Variants in ZMIZ1 observed in about 807,000 individuals in gnomAD.
The protein encoded by ZMIZ1 is zinc finger MIZ-type containing 1, also known as zinc finger MIZ domain-containing protein 1.
Under a neutral mutation model 113.9 loss-of-function variants are expected in ZMIZ1, and 17 were observed. The observed-to-expected ratio is 0.15, with a 90% CI of 0.10 to 0.22. The LOEUF (loss-of-function observed/expected upper bound fraction) is 0.22. ZMIZ1 is among the 10% of genes least tolerant of loss of function. ZMIZ1 has a pLI of 1.00. For synonymous variants in ZMIZ1, 607 were observed against 603.1 expected (o/e 1.01, Z -0.09); for missense variants, 1,059 against 1,477.8 (o/e 0.72, Z 4.65).
intron 2 of ZMIZ1, among the ~76,000 whole-genome samples, chr10:79,136,380 C>G (rs1272438511): frequency 6.6e-6 from 1 of 152,242 alleles, no homozygotes; most frequent in Non-Finnish European, 1.5e-5. Context: ...CCCAGCCCTG[C>G]CTTGGGCAGG....
chr10:79,195,587 A>G (rs1847799883), intron 4 of ZMIZ1, among the ~76,000 whole-genome samples: 1 of 152,232 alleles, frequency 6.6e-6, no homozygotes, highest in Non-Finnish European at 1.5e-5. Flanking sequence ...GCAGCGGCCC[A>G]GCTGAGTGGC....
rs918386805 is a variant in ZMIZ1 at position 79,296,812 on chromosome 10, C to T, written c.1413+159C>T. ...GTCCCCATGTGTTCAGGGCGAAGTT[C>T]GGTGGCCAGAATGTCAGAGTGGCTT... On this transcript the variant is annotated intron_variant, in intron 13 of 24. Coordinates refer to ENST00000334512, the MANE Select transcript of ZMIZ1 (RefSeq NM_020338.4). The surrounding 1 kb of genome is among the most constrained non-coding windows in gnomAD (Gnocchi z 4.1). 1.1e-5 allele frequency: 6 copies of T among 564,442 alleles called. No homozygotes were observed. Among genetic ancestry groups the T allele is most frequent in the African/African-American group, 3.9e-5 (2 of 50,980 alleles). The allele number at this position is 564,442 out of a possible 1,614,324, so 35.0% of individuals were successfully genotyped here.
At position 79,226,994 on chromosome 10, in the gene ZMIZ1, G is replaced by C. The variant is rs142793883; in HGVS notation, c.280+10720G>C. Among the ~76,000 whole-genome samples the C allele has an allele frequency of 4.5e-3, 688 of 152,278 alleles. 7 individuals carry two copies. The highest frequency in any genetic ancestry group is 0.016 in the African/African-American group (646 of 41,554). On this transcript the variant is annotated intron_variant, in intron 7 of 24. Coordinates refer to ENST00000334512, the MANE Select transcript of ZMIZ1 (RefSeq NM_020338.4). ...CATGAACTCACTTATCCCACATGGT[G>C]ATCCCAGGTACTCATATCTACCCCA...
chr10:79,079,604 G>A (rs1842591961), intron 1 of ZMIZ1, among the ~76,000 whole-genome samples: 2 of 152,232 alleles, frequency 1.3e-5, no homozygotes, highest in South Asian at 2.1e-4. Context: ...GATGTGAAGC[G>A]ACTTGACCAA....
At chr10:79,279,927 G>A (rs960999994) in intron 8 of ZMIZ1, among the ~76,000 whole-genome samples, 2 of 152,146 alleles carry the variant, frequency 1.3e-5, no homozygotes, top group Non-Finnish European at 2.9e-5. Flanking sequence ...GTCCAGCCTC[G>A]GCTAGGTATC....
In ZMIZ1 at chr10:79,312,674, C is replaced by G. The variant is rs1455605468; in HGVS notation, c.3129C>G (p.Leu1043=). 1.2e-6 allele frequency: 2 copies of G among 1,614,220 alleles called. No individual in the cohort carries two copies. Among genetic ancestry groups the G allele is most frequent in the Non-Finnish European group, 1.7e-6 (2 of 1,180,038 alleles). Residue 1043 remains leucine, a synonymous_variant, in exon 25 of 25, where the codon CTC becomes CTG. Coordinates refer to ENST00000334512, the MANE Select transcript of ZMIZ1 (RefSeq NM_020338.4). ...LLPELTNPDE[L]LSYLDPPDLP... is the part of the protein sequence containing the mutation. ...CCGAACTCACAAATCCTGACGAGCT[C>G]CTGTCTTATCTGGACCCCCCCGACC...
intron 3 of ZMIZ1, among the ~76,000 whole-genome samples, chr10:79,154,042 C>T (rs1331322585): frequency 2.6e-5 from 4 of 152,182 alleles, no homozygotes; most frequent in Non-Finnish European, 4.4e-5. Flanking sequence ...TTCAGTGCCA[C>T]GACCTTCCTG....
At chr10:79,108,990 G>C (rs1564655094) in intron 1 of ZMIZ1, among the ~76,000 whole-genome samples, 1 of 152,112 alleles carries the variant, frequency 6.6e-6, no homozygotes, top group African/African-American at 2.4e-5. Flanking sequence ...CCACATCCCT[G>C]CCCACAGCCC....
At chr10:79,114,976 A>C (rs993664116) in intron 1 of ZMIZ1, among the ~76,000 whole-genome samples, 1 of 152,226 alleles carries the variant, frequency 6.6e-6, no homozygotes, top group Middle Eastern at 3.4e-3. Context: ...TAAAAATTTA[A>C]ATTTCTGGGC....
At chr10:79,216,688 G>C (rs1848746042) in intron 7 of ZMIZ1, among the ~76,000 whole-genome samples, 2 of 152,372 alleles carry the variant, frequency 1.3e-5, no homozygotes, top group African/African-American at 4.8e-5. Flanking sequence ...CTGGAAGGCA[G>C]CAGAGCAGGG....
rs184756182 is a variant in ZMIZ1 at position 79,069,489 on chromosome 10, C to G, written c.-337+219C>G. Among the ~76,000 whole-genome samples the G allele has an allele frequency of 6.7e-4, 101 of 151,628 alleles. 2 individuals carry two copies. The East Asian group carries it at 0.018, about 27-fold the overall frequency. On this transcript the variant is annotated intron_variant, in intron 1 of 24. Coordinates refer to ENST00000334512, the MANE Select transcript of ZMIZ1 (RefSeq NM_020338.4). This position sits in a 1 kb window ranked among gnomAD's most constrained non-coding sequence, Gnocchi z 4.6. ...CCGGCGAGCTCCCGGCTGCGCGGAG[C>G]CGGCTTGGGCTGCGCGTGGGGGCCG...
rs546496719 is a variant in ZMIZ1, at chr10:79,136,125, G to T, written c.-226-3557G>T. ...CAGGATCTGCCCCACCCCTCCAGAA[G>T]GATAGTCTCAGAACTCATGTAGGTC... On this transcript the variant is annotated intron_variant, in intron 2 of 24. Coordinates refer to ENST00000334512, the MANE Select transcript of ZMIZ1 (RefSeq NM_020338.4). 2.6e-5 allele frequency among the ~76,000 whole-genome samples: 4 copies of T among 152,270 alleles called. No individual in the cohort carries two copies. The East Asian group carries it at 7.7e-4, about 29-fold the overall frequency.
intron 3 of ZMIZ1, among the ~76,000 whole-genome samples, chr10:79,161,349 A>G (rs1353062431): frequency 6.6e-6 from 1 of 151,680 alleles, no homozygotes; most frequent in Non-Finnish European, 1.5e-5. Context: ...GCTCCTGCCC[A>G]CCCTCTTTCT....
At chr10:79,210,294 G>A (rs552450969) in intron 6 of ZMIZ1, among the ~76,000 whole-genome samples, 7 of 152,316 alleles carry the variant, frequency 4.6e-5, no homozygotes, top group Admixed American at 2.6e-4. Context: ...GGCCCTCACC[G>A]GCCTGGATGG....
At chr10:79,252,862 T>C (rs1326254700) in intron 7 of ZMIZ1, among the ~76,000 whole-genome samples, 1 of 152,224 alleles carries the variant, frequency 6.6e-6, no homozygotes, top group East Asian at 1.9e-4. Context: ...TGTGCAGGAA[T>C]GTGGCATTTC....
At position 79,305,152 on chromosome 10, in the gene ZMIZ1, G is replaced by C; in HGVS notation, c.2287-12G>C. The C allele has an allele frequency of 6.2e-7, 1 of 1,614,154 alleles. No homozygotes were observed. Among genetic ancestry groups the C allele is most frequent in the Non-Finnish European group, 8.5e-7 (1 of 1,180,026 alleles). On this transcript the variant is annotated splice_polypyrimidine_tract_variant and intron_variant, in intron 19 of 24. Transcript: ENST00000334512. ...GTCCTGGTCTCACCTGTGTCTGTCT[G>C]TCTGTCTGCAGTGCTTTGATCTGGA...
chr10:79,088,993 A>C (rs1222800038), intron 1 of ZMIZ1, among the ~76,000 whole-genome samples: 1 of 152,204 alleles, frequency 6.6e-6, no homozygotes, highest in Admixed American at 6.5e-5. Flanking sequence ...CTGCTCAGGG[A>C]ATCAGGTCTT....
At chr10:79,230,959 C>A (rs940026451) in intron 7 of ZMIZ1, among the ~76,000 whole-genome samples, 1 of 152,238 alleles carries the variant, frequency 6.6e-6, no homozygotes, top group African/African-American at 2.4e-5. Flanking sequence ...AGGGTGTGGA[C>A]CCCTCCTCCG....
chr10:79,162,691 C>T (rs935813714), intron 4 of ZMIZ1, among the ~76,000 whole-genome samples: 1 of 152,212 alleles, frequency 6.6e-6, no homozygotes, highest in East Asian at 1.9e-4. Flanking sequence ...GCTCCACTCT[C>T]GCAGTGAGGA....
Sources: gnomAD v4.1 joint callset for allele counts (sites outside exome capture counted in the v4.1 genomes callset) on GRCh38, gnomAD v4.1.1 for gene constraint, Gnocchi (gnomAD v3.1) non-coding constraint, MANE v1.5 for transcripts, NCBI Gene and HGNC (gene_info 2026-07-23, HGNC 2026-07-21) for gene names.